Variants in GBF1 observed in about 807,000 individuals in gnomAD.
The protein encoded by GBF1 is Golgi-specific brefeldin A-resistance guanine nucleotide exchange factor 1.
Under a neutral mutation model 210.5 loss-of-function variants are expected in GBF1, and 114 were observed. The observed-to-expected ratio is 0.54, with a 90% CI of 0.47 to 0.63. The LOEUF (loss-of-function observed/expected upper bound fraction) is 0.63, where lower values mean the gene tolerates loss of function less well. Among genes scored for constraint, GBF1 ranks in the 30% least tolerant of loss-of-function variants. The pLI, the probability that GBF1 is intolerant of heterozygous loss-of-function variation, is 0.00. For missense variants in GBF1, 1,851 were observed against 2,357.7 expected (o/e 0.79, Z 4.45); for synonymous variants, 850 against 889.2 (o/e 0.96, Z 0.78).
intron 3 of GBF1, among the ~76,000 whole-genome samples, chr10:102,281,978 G>T (rs1479893518): frequency 6.7e-6 from 1 of 148,610 alleles, no homozygotes; most frequent in Non-Finnish European, 1.5e-5. Flanking sequence ...CCAGGCTGGA[G>T]TGCAGTGGCG....
intron 3 of GBF1, among the ~76,000 whole-genome samples, chr10:102,301,323 C>T (rs377275221): frequency 1.1e-3 from 174 of 152,312 alleles, no homozygotes; most frequent in African/African-American, 3.9e-3. Context: ...AACAGCATCC[C>T]AAGGCAGAAG....
intron 3 of GBF1, among the ~76,000 whole-genome samples, chr10:102,320,909 C>A (rs1354816891): frequency 2.0e-5 from 3 of 151,808 alleles, no homozygotes; most frequent in Non-Finnish European, 4.4e-5. Context: ...GATTCTCAAG[C>A]GTCAGCCTCC....
chr10:102,322,882 A>G lies in GBF1; in HGVS notation c.164-21169A>G, dbSNP rs148896946. Among the ~76,000 whole-genome samples, 204 of 152,248 alleles carry G rather than the reference A, an allele frequency of 1.3e-3. 2 individuals are homozygous for G. Among genetic ancestry groups the G allele is most frequent in the African/African-American group, 4.8e-3 (199 of 41,554 alleles). On this transcript the variant is annotated intron_variant, in intron 3 of 39. Transcript: ENST00000369983. Reference sequence around the variant, plus strand: ...CAGTGAGCTGAGATCACACCACTGTAGTCCAGCCTGGGTGACAGAGCAAGA... The same window carrying G: ...CAGTGAGCTGAGATCACACCACTGTGGTCCAGCCTGGGTGACAGAGCAAGA...
intron 3 of GBF1, among the ~76,000 whole-genome samples, chr10:102,289,125 T>G (rs1356303388): frequency 6.7e-6 from 1 of 149,514 alleles, no homozygotes; most frequent in Non-Finnish European, 1.5e-5. Flanking sequence ...AAAAAAAGCC[T>G]TAGGAGTTAT....
chr10:102,333,739 C>T (rs1034844235), intron 3 of GBF1, among the ~76,000 whole-genome samples: 1 of 152,136 alleles, frequency 6.6e-6, no homozygotes, highest in African/African-American at 2.4e-5. Flanking sequence ...GACCACTACT[C>T]TTGATGTCCT....
intron 11 of GBF1, 32 bp from the exon 12 acceptor site, chr10:102,360,152 A>T: frequency 7.3e-7 from 1 of 1,377,320 alleles, no homozygotes; most frequent in Non-Finnish European, 1.0e-6. Flanking sequence ...GTTGTTTTAT[A>T]GCAGTCTCAC....
chr10:102,363,206 C>G lies in GBF1; in HGVS notation c.1877-50C>G. ...GGATTTGATCTATCCTGCAGCTCTG[C>G]TTGGCTTCATACCCTATAAGTCTTC... is the stretch of plus-strand genomic sequence containing the variant. On this transcript the variant is annotated intron_variant, in intron 15 of 39. Transcript: ENST00000369983. This position sits in a 1 kb window ranked among gnomAD's most constrained non-coding sequence, Gnocchi z 4.2. 6.5e-7 allele frequency: 1 copy of G among 1,535,868 alleles called. No homozygotes were observed. The highest frequency in any genetic ancestry group is 8.8e-7 in the Non-Finnish European group (1 of 1,132,136).
intron 1 of GBF1, among the ~76,000 whole-genome samples, chr10:102,249,971 T>C (rs558504562): frequency 6.6e-6 from 1 of 152,318 alleles, no homozygotes; most frequent in East Asian, 1.9e-4. Context: ...ATTATAGGTG[T>C]GAGCCAATGC....
chr10:102,281,745 T>C (rs951656862), intron 3 of GBF1, among the ~76,000 whole-genome samples: 4 of 151,698 alleles, frequency 2.6e-5, no homozygotes, highest in South Asian at 2.1e-4. Flanking sequence ...TGAACAAATA[T>C]TGATTCATCA....
In GBF1 at chr10:102,358,571, G is replaced by C; in HGVS notation, c.853G>C (p.Val285Leu). 6.2e-7 allele frequency: 1 copy of C among 1,613,834 alleles called. No individual in the cohort carries two copies. Among genetic ancestry groups the C allele is most frequent in the South Asian group, 1.1e-5 (1 of 91,086 alleles). Residue 285 changes from valine (V) to leucine (L), a missense_variant, in exon 10 of 40, where the codon GTG becomes CTG. By Grantham distance (32) the Val-to-Leu change is conservative (BLOSUM62 1). This residue lies in a region of GBF1 where 804 missense variants were observed against 958.6 expected (regional missense o/e 0.84). Transcript: ENST00000369983. Reference sequence around the variant, plus strand: ...TGCAAGTTCAGAAGCTGCCTCAGCAGTGGTCAGTCCCTCTACAGACAGTGG... The same window carrying C: ...TGCAAGTTCAGAAGCTGCCTCAGCACTGGTCAGTCCCTCTACAGACAGTGG... ...SSASSEAASA[V>L]VSPSTDSGLE...
At chr10:102,243,056 T>C (rs960074982), upstream of GBF1, among the ~76,000 whole-genome samples, 12 of 152,242 alleles carry the variant, frequency 7.9e-5, no homozygotes, top group African/African-American at 2.9e-4. Context: ...CTCCCTAGCC[T>C]GGCATACAAG....
chr10:102,376,197 C>A (rs1299240125), intron 30 of GBF1, 75 bp from the exon 31 acceptor site: 38 of 1,185,128 alleles, frequency 3.2e-5, no homozygotes, highest in Non-Finnish European at 4.4e-5. Context: ...CATCTTTTTT[C>A]TGAGAGCCTG....
intron 3 of GBF1, among the ~76,000 whole-genome samples, chr10:102,343,810 A>T (rs1253297522): frequency 6.6e-6 from 1 of 152,042 alleles, no homozygotes; most frequent in Non-Finnish European, 1.5e-5. Context: ...AAAAAAAAAA[A>T]AAAAAAGATA....
Position 102,377,456 on chromosome 10 carries a change from C to T in GBF1, c.4494+316C>T, listed in dbSNP as rs186334590. ...GCAACCTCCACCTCCCGGGTTCAAG[C>T]GATTCTCCTGCCTCAGCCTTCCAAG... is the stretch of plus-strand genomic sequence containing the variant. On this transcript the variant is annotated intron_variant, in intron 33 of 39. Transcript: ENST00000369983. Among the ~76,000 whole-genome samples the T allele has an allele frequency of 8.0e-3, 1,211 of 152,182 alleles. 57 individuals are homozygous for T. Among genetic ancestry groups the T allele is most frequent in the Admixed American group, 0.073 (1,119 of 15,282 alleles).
In GBF1 at chr10:102,376,154, A is replaced by G; in HGVS notation, c.3887-118A>G. The G allele has an allele frequency of 5.5e-6, 4 of 724,422 alleles. 1 individual carries two copies. The highest frequency in any genetic ancestry group is 5.4e-5 in the South Asian group (3 of 55,410). The allele number at this position is 724,422 out of a possible 1,614,324, so 44.9% of individuals were successfully genotyped here. A position where few individuals can be genotyped will look rare whatever the true frequency, so the allele number is the denominator to read the frequency against. On this transcript the variant is annotated intron_variant, in intron 30 of 39. Coordinates refer to ENST00000369983, the MANE Select transcript of GBF1 (RefSeq NM_001377137.1). ...TTGGCCCTCTGGTGACAGAAATTAA[A>G]CTATGCCAGAGAGAGGGGAGGCCAG... is the stretch of plus-strand genomic sequence containing the variant.
At position 102,363,815 on chromosome 10, in the gene GBF1, C is replaced by G. The variant is rs998830185; in HGVS notation, c.2106+17C>G. On this transcript the variant is annotated intron_variant, in intron 17 of 39. Transcript: ENST00000369983. This position sits in a 1 kb window ranked among gnomAD's most constrained non-coding sequence, Gnocchi z 4.2. ...AAAAAGAAGGTACATACATGTATTC[C>G]CCAGCCTCTGTCCACCTCTGTCTGG... 1 of 1,436,842 alleles carries G rather than the reference C, an allele frequency of 7.0e-7. No homozygotes were observed. Among genetic ancestry groups the G allele is most frequent in the South Asian group, 1.1e-5 (1 of 87,514 alleles). 89.0% of individuals were successfully genotyped at this position (1,436,842 alleles called of 1,614,324 possible).
At chr10:102,240,937 A>G (rs2070519033), upstream of GBF1, among the ~76,000 whole-genome samples, 1 of 151,944 alleles carries the variant, frequency 6.6e-6, no homozygotes, top group Admixed American at 6.5e-5. Context: ...CTGCCCCCAC[A>G]CTGGGGGCCG....
chr10:102,259,524 T>C (rs997591434), intron 2 of GBF1, among the ~76,000 whole-genome samples: 4 of 152,196 alleles, frequency 2.6e-5, no homozygotes, highest in Non-Finnish European at 5.9e-5. Flanking sequence ...CTTTGCTATA[T>C]ATGTTTGAGG....
At chr10:102,238,447 A>G in the GBF1 span, among the ~76,000 whole-genome samples, 2 of 152,040 alleles carry the variant, frequency 1.3e-5, no homozygotes, top group Non-Finnish European at 2.9e-5. Context: ...GCATTTGGGG[A>G]GCTCCCCAGA....
Sources: gnomAD v4.1 joint callset for allele counts (sites outside exome capture counted in the v4.1 genomes callset) on GRCh38, gnomAD v4.1.1 for gene constraint, gnomAD v4.1.1 regional missense constraint, Gnocchi (gnomAD v3.1) non-coding constraint, MANE v1.5 for transcripts, NCBI Gene and HGNC (gene_info 2026-07-23, HGNC 2026-07-21) for gene names.